The following ADGRG4 variants were observed in gnomAD, a reference collection of about 807,000 sequenced individuals.
ADGRG4 encodes G protein-coupled receptor 112.
ADGRG4 carries 122 observed loss-of-function variants against 126.2 expected under a neutral mutation model. That is an observed-to-expected ratio of 0.97 (90% CI 0.83 to 1.12). The LOEUF (loss-of-function observed/expected upper bound fraction) is 1.12. ADGRG4 is among the 50% of genes most tolerant of loss of function. The pLI is 0.00. For missense variants in ADGRG4, 2,481 were observed against 2,251.8 expected (o/e 1.10, Z -2.06); for synonymous variants, 943 against 838.7 (o/e 1.12, Z -2.15).
In ADGRG4 at chrX:136,347,808, C is replaced by T; in HGVS notation, c.4102C>T (p.Gln1368Ter). ...TCTTGGGAAAACAGCTCTCCCCTCACAAGCTCTGACAATCACCACTTTTTT... is the reference window on the plus strand; with the variant it reads ...TCTTGGGAAAACAGCTCTCCCCTCATAAGCTCTGACAATCACCACTTTTTT... The part of the protein sequence containing the change: ...TSLGKTALPS[Q>*]ALTITTFLCP... The change falls in exon 6 of 26, where the codon CAA (glutamine) becomes TAA (stop). Residue 1368 changes from glutamine (Q) to a stop codon, truncating the protein, a stop_gained. Coordinates refer to ENST00000394143, the MANE Select transcript of ADGRG4 (RefSeq NM_153834.4). LOFTEE classifies it high-confidence loss of function. 1 of 1,208,892 alleles carries T rather than the reference C, an allele frequency of 8.3e-7. No individual in the cohort carries two copies. Among genetic ancestry groups the T allele is most frequent in the Non-Finnish European group, 1.1e-6 (1 of 893,128 alleles).
At chrX:136,331,977 C>T (rs991864031) in intron 5 of ADGRG4, among the ~76,000 whole-genome samples, 4 of 108,057 alleles carry the variant, frequency 3.7e-5, no homozygotes, top group African/African-American at 1.0e-4. Context: ...CCAACACGCC[C>T]GACTAATTTT....
chrX:136,307,991 T>C (rs886123949), intron 3 of ADGRG4, among the ~76,000 whole-genome samples: 1 of 113,287 alleles, frequency 8.8e-6, no homozygotes, highest in East Asian at 2.8e-4. Flanking sequence ...TGAGTTACTT[T>C]TGTCAACAAG....
At chrX:136,344,365 AT>A in intron 5 of ADGRG4, 26 bp from the exon 6 acceptor site, 1 of 1,057,321 alleles carries the variant, frequency 9.5e-7, no homozygotes, top group Non-Finnish European at 1.3e-6. Flanking sequence ...TGAATCCAAA[AT>A]AACACATTCT....
Position 136,353,387 on chromosome X carries a change from C to A in ADGRG4, c.6873C>A (p.Thr2291=). The A allele has an allele frequency of 1.7e-6, 2 of 1,189,362 alleles. No homozygotes were observed. The highest frequency in any genetic ancestry group is 2.3e-6 in the Non-Finnish European group (2 of 876,035). The change falls in exon 8 of 26, where the codon ACC becomes ACA. Residue 2291 remains threonine, a synonymous_variant. Coordinates refer to ENST00000394143, the MANE Select transcript of ADGRG4 (RefSeq NM_153834.4). ...AATTTTCTCTTGCTACTCTGGAAAC[C>A]CAAATTAAAAGCAGGTATGTGAATG... ...NSEFSLATLE[T]QIKSRDISEE... is the part of the protein sequence containing the mutation.
In ADGRG4 at chrX:136,387,757, C is replaced by G; in HGVS notation, c.7794C>G (p.Val2598=). The change falls in exon 16 of 26, where the codon GTC becomes GTG. Residue 2598 remains valine, a synonymous_variant. Transcript: ENST00000394143. ...GTDPEIFLGN[V]PVGGILASIY... is the part of the protein sequence containing the mutation. ...CTTGGCAGATTTTCCTAGGCAATGT[C>G]CCTGTGGGAGGGATTTTGGCTTCCA... is the stretch of plus-strand genomic sequence containing the variant. The G allele has an allele frequency of 8.3e-7, 1 of 1,207,088 alleles. No individual in the cohort carries two copies. Among genetic ancestry groups the G allele is most frequent in the Non-Finnish European group, 1.1e-6 (1 of 893,383 alleles).
At chrX:136,377,789 CAA>C (rs2075236614) in intron 15 of ADGRG4, among the ~76,000 whole-genome samples, 2 of 108,690 alleles carry the variant, frequency 1.8e-5, no homozygotes, top group African/African-American at 6.7e-5. Flanking sequence ...GTACCTTTGA[CAA>C]AAAGTCAAAT....
intron 5 of ADGRG4, among the ~76,000 whole-genome samples, chrX:136,341,878 G>A (rs1569321031): frequency 8.9e-6 from 1 of 111,819 alleles, no homozygotes; most frequent in East Asian, 2.8e-4. Flanking sequence ...AAACAAATCA[G>A]TAGATTGTCT....
intron 5 of ADGRG4, among the ~76,000 whole-genome samples, chrX:136,339,633 G>A (rs1326469533): frequency 8.9e-6 from 1 of 112,596 alleles, no homozygotes; most frequent in South Asian, 3.7e-4. Flanking sequence ...GCTGGGTTTG[G>A]TGAGGGGGAG....
chrX:136,326,087 G>T (rs193169382), intron 5 of ADGRG4, among the ~76,000 whole-genome samples: 1,243 of 111,916 alleles, frequency 0.011, 13 homozygotes, highest in Middle Eastern at 0.041. Context: ...ACAATCTAAC[G>T]TAACAAACAA....
intron 4 of ADGRG4, among the ~76,000 whole-genome samples, chrX:136,315,385 C>A (rs1472625372): frequency 1.8e-5 from 2 of 111,023 alleles, no homozygotes; most frequent in African/African-American, 6.6e-5. Context: ...CCAGAAGACT[C>A]CCTCCTCAAG....
At chrX:136,322,661 T>C (rs912235027) in intron 4 of ADGRG4, 117 bp from the exon 5 acceptor site, 31 of 572,596 alleles carry the variant, frequency 5.4e-5, no homozygotes, top group Non-Finnish European at 8.4e-5. Flanking sequence ...TTTGCACCAG[T>C]ATTGACTCAT....
intron 11 of ADGRG4, among the ~76,000 whole-genome samples, chrX:136,361,240 A>C (rs1490985522): frequency 1.8e-5 from 2 of 109,774 alleles, no homozygotes; most frequent in African/African-American, 3.3e-5. Flanking sequence ...TAAAAAAAAA[A>C]CACTCCATAT....
At chrX:136,340,463 C>T (rs925569749) in intron 5 of ADGRG4, among the ~76,000 whole-genome samples, 2 of 111,483 alleles carry the variant, frequency 1.8e-5, no homozygotes, top group East Asian at 2.8e-4. Flanking sequence ...CCAGCAAAGT[C>T]GCCTTGATGT....
At chrX:136,398,923 G>T (rs987331577) in intron 20 of ADGRG4, among the ~76,000 whole-genome samples, 1 of 112,158 alleles carries the variant, frequency 8.9e-6, no homozygotes, top group Non-Finnish European at 1.9e-5. Context: ...TGATATATTT[G>T]TAAAATGGAA....
chrX:136,316,668 A>G (rs1048732625), intron 4 of ADGRG4, among the ~76,000 whole-genome samples: 7 of 111,349 alleles, frequency 6.3e-5, no homozygotes, highest in African/African-American at 2.3e-4. Flanking sequence ...GGGTTTCGCC[A>G]TGTTGGCCAG....
chrX:136,340,867 A>C (rs2074974800), intron 5 of ADGRG4, among the ~76,000 whole-genome samples: 1 of 112,026 alleles, frequency 8.9e-6, no homozygotes, highest in Admixed American at 9.5e-5. Flanking sequence ...TAATGAATGA[A>C]GACTTTAGTC....
chrX:136,406,105 C>G, intron 23 of ADGRG4, 133 bp downstream of exon 23: 1 of 675,676 alleles, frequency 1.5e-6, no homozygotes, highest in South Asian at 3.7e-5. Context: ...ACAGCCCACT[C>G]TCTCTTGCTC....
chrX:136,374,387 G>A (rs2075213176), intron 15 of ADGRG4, among the ~76,000 whole-genome samples: 1 of 110,833 alleles, frequency 9.0e-6, no homozygotes, highest in South Asian at 3.9e-4. Flanking sequence ...AAATACCTAG[G>A]AATGGAATTG....
At chrX:136,307,408 A>T (rs1176801476) in intron 3 of ADGRG4, among the ~76,000 whole-genome samples, 1 of 112,610 alleles carries the variant, frequency 8.9e-6, no homozygotes, top group Non-Finnish European at 1.9e-5. Context: ...AGCACTATAA[A>T]TTTAAGCTGC....
Sources: allele counts gnomAD v4.1 joint callset (sites outside exome capture counted in the v4.1 genomes callset), GRCh38; gene constraint gnomAD v4.1.1; transcripts MANE v1.5; gene names NCBI Gene and HGNC (gene_info 2026-07-23, HGNC 2026-07-21).